Variants in BABAM2 observed in about 807,000 individuals in gnomAD.
BABAM2 encodes the protein BRISC and BRCA1-A complex member 2.
A neutral mutation model predicts 54.7 loss-of-function variants in BABAM2; 31 were observed. That is an observed-to-expected ratio of 0.57 (90% CI 0.43 to 0.77). The LOEUF is 0.77. Ranked by LOEUF, BABAM2 falls within the 30% of genes least tolerant of loss-of-function variation. BABAM2 has a pLI of 0.00. For missense variants in BABAM2, 364 were observed against 455.8 expected (o/e 0.80, Z 1.83); for synonymous variants, 167 against 162.9 (o/e 1.03, Z -0.19).
chr2:28,335,822 G>A (rs1357452456), intron 11 of BABAM2, among the ~76,000 whole-genome samples: 2 of 152,192 alleles, frequency 1.3e-5, no homozygotes, highest in Admixed American at 1.3e-4. Context: ...ATGAGAAGAA[G>A]GGAGAGGCAG....
At chr2:28,133,919 G>T (rs986357501) in intron 7 of BABAM2, among the ~76,000 whole-genome samples, 1 of 152,160 alleles carries the variant, frequency 6.6e-6, no homozygotes, top group African/African-American at 2.4e-5. Flanking sequence ...GCCCAGGGTC[G>T]TGGAATAGTT....
chr2:27,893,546 T>G lies in BABAM2; in HGVS notation c.-24-987T>G, dbSNP rs371686770. ...AATATTTCTCTAACTTTTGTCCCCT[T>G]ACTCATTTATTTATTAAAAAATGTT... is the stretch of plus-strand genomic sequence containing the variant. On this transcript the variant is annotated intron_variant, in intron 1 of 11. Transcript: ENST00000379624. 2.0e-4 allele frequency among the ~76,000 whole-genome samples: 31 copies of G among 152,354 alleles called. No homozygotes were observed. In the Middle Eastern group the frequency reaches 0.01, roughly 50 times the overall value.
chr2:28,171,891 C>T (rs1423092908), intron 7 of BABAM2, among the ~76,000 whole-genome samples: 1 of 152,116 alleles, frequency 6.6e-6, no homozygotes, highest in Admixed American at 6.6e-5. Context: ...TTCTTCCCCT[C>T]AGCTTAGAAG....
intron 3 of BABAM2, among the ~76,000 whole-genome samples, chr2:27,933,625 C>A (rs558737608): frequency 6.6e-6 from 1 of 151,940 alleles, no homozygotes; most frequent in Non-Finnish European, 1.5e-5. Context: ...CCCACCACCA[C>A]GCCCGGATAA....
intron 10 of BABAM2, among the ~76,000 whole-genome samples, chr2:28,253,005 GAATT>G (rs1683637855): frequency 6.6e-6 from 1 of 152,186 alleles, no homozygotes; most frequent in Non-Finnish European, 1.5e-5. Flanking sequence ...CCTTTTCTTA[GAATT>G]AATATTAAAG....
intron 8 of BABAM2, among the ~76,000 whole-genome samples, chr2:28,240,627 T>C (rs981109346): frequency 1.3e-5 from 2 of 152,134 alleles, no homozygotes. Context: ...CCTAGGACTT[T>C]GGGAGGCTGA....
At chr2:28,062,827 G>A (rs1015367300) in intron 6 of BABAM2, among the ~76,000 whole-genome samples, 1 of 152,070 alleles carries the variant, frequency 6.6e-6, no homozygotes, top group African/African-American at 2.4e-5. Flanking sequence ...TATCCCCAGG[G>A]TTTCTAATGT....
At chr2:28,030,438 T>TA (rs1394085678) in intron 5 of BABAM2, among the ~76,000 whole-genome samples, 1 of 152,178 alleles carries the variant, frequency 6.6e-6, no homozygotes, top group Admixed American at 6.5e-5. Context: ...AGGCAAAGCT[T>TA]ACAGCAGACC....
intron 3 of BABAM2, among the ~76,000 whole-genome samples, chr2:27,971,722 C>T (rs954568216): frequency 1.3e-5 from 2 of 150,926 alleles, no homozygotes; most frequent in Admixed American, 6.6e-5. Flanking sequence ...TTTACTATTT[C>T]ATGACAAGGA....
intron 7 of BABAM2, among the ~76,000 whole-genome samples, chr2:28,188,214 C>T (rs1401951255): frequency 6.6e-6 from 1 of 152,168 alleles, no homozygotes; most frequent in African/African-American, 2.4e-5. Context: ...GTATCACCTT[C>T]TCCATTCTAC....
At chr2:27,904,756 C>T (rs1362546833) in intron 2 of BABAM2, among the ~76,000 whole-genome samples, 1 of 152,022 alleles carries the variant, frequency 6.6e-6, no homozygotes. Flanking sequence ...CTGTACCTGC[C>T]CAAATTATCA....
intron 4 of BABAM2, among the ~76,000 whole-genome samples, chr2:28,024,393 G>A (rs540516568): frequency 6.0e-5 from 9 of 150,116 alleles, no homozygotes; most frequent in African/African-American, 1.5e-4. Context: ...GCGACAGAGC[G>A]AGACTCCATC....
At chr2:27,952,260 T>G (rs1241304800) in intron 3 of BABAM2, among the ~76,000 whole-genome samples, 2 of 152,360 alleles carry the variant, frequency 1.3e-5, no homozygotes, top group Admixed American at 6.5e-5. Flanking sequence ...AGTCTTTGCC[T>G]GTCAATTGGG....
chr2:28,100,124 A>G (rs1666952418), intron 6 of BABAM2, among the ~76,000 whole-genome samples: 1 of 150,614 alleles, frequency 6.6e-6, no homozygotes, highest in Non-Finnish European at 1.5e-5. Context: ...AATTGTTTTG[A>G]TTTTTTCTTT....
At chr2:28,203,924 A>G (rs1362364968) in intron 7 of BABAM2, among the ~76,000 whole-genome samples, 1 of 152,202 alleles carries the variant, frequency 6.6e-6, no homozygotes. Context: ...CACCAGCAGC[A>G]CTTGCCAATG....
chr2:28,133,033 A>G (rs1210743509), intron 7 of BABAM2, among the ~76,000 whole-genome samples: 1 of 152,258 alleles, frequency 6.6e-6, no homozygotes, highest in African/African-American at 2.4e-5. Flanking sequence ...AACTACGTTT[A>G]TAATACCAAA....
At chr2:27,988,913 A>G (rs1003177199) in intron 4 of BABAM2, among the ~76,000 whole-genome samples, 3 of 152,146 alleles carry the variant, frequency 2.0e-5, no homozygotes, top group African/African-American at 7.2e-5. Flanking sequence ...GTCTTATTCA[A>G]GTTTTATTGT....
At chr2:28,251,499 C>T (rs955465981) in intron 10 of BABAM2, among the ~76,000 whole-genome samples, 2 of 152,192 alleles carry the variant, frequency 1.3e-5, no homozygotes, top group Non-Finnish European at 2.9e-5. Flanking sequence ...GCACTGTCAC[C>T]TCACCACTAA....
chr2:28,165,529 C>CTTTTTTTTTTTTTTTT (rs1192641957), intron 7 of BABAM2, among the ~76,000 whole-genome samples: 13 of 72,256 alleles, frequency 1.8e-4, no homozygotes, highest in East Asian at 9.6e-4. Flanking sequence ...TTTTTCCTTG[C>CTTTTTTTTTTTTTTTT]TTTTTTTTTT....
Sources: allele counts gnomAD v4.1 joint callset (sites outside exome capture counted in the v4.1 genomes callset), GRCh38; gene constraint gnomAD v4.1.1; transcripts MANE v1.5; gene names NCBI Gene and HGNC (gene_info 2026-07-23, HGNC 2026-07-21).